NHERF2: variants seen among roughly 807,000 people sequenced by gnomAD.
NHERF2 encodes NHERF family PDZ scaffold protein 2, also known as Na(+)/H(+) exchange regulatory cofactor NHE-RF2.
At chr16:2,036,425 C>T in the NHERF2 span, 14 of 1,607,154 alleles carry the variant, frequency 8.7e-6, no homozygotes, top group African/African-American at 2.7e-5. Context: ...AGTCCCGGCC[C>T]GGCCAGTACA....
At chr16:2,036,194 T>C in the NHERF2 span, 1 of 927,162 alleles carries the variant, frequency 1.1e-6, no homozygotes, top group South Asian at 1.8e-5. Flanking sequence ...CCGGAGTGTT[T>C]GCCACTGAGA....
the NHERF2 span, among the ~76,000 whole-genome samples, chr16:2,028,177 T>C: frequency 6.6e-6 from 1 of 152,360 alleles, no homozygotes; most frequent in South Asian, 2.1e-4. Context: ...TGGCTGGTCC[T>C]GGAACCTAGA....
the NHERF2 span, chr16:2,036,180 G>A: frequency 2.6e-6 from 2 of 773,990 alleles, no homozygotes; most frequent in Non-Finnish European, 4.0e-6. Flanking sequence ...GGCAGCCTGG[G>A]TGCCCGGAGT....
chr16:2,029,200 C>T, the NHERF2 span, among the ~76,000 whole-genome samples: 7 of 152,218 alleles, frequency 4.6e-5, no homozygotes, highest in Non-Finnish European at 8.8e-5. Context: ...GATGCATGCG[C>T]GCACAGGGAC....
At chr16:2,028,684 C>T in the NHERF2 span, among the ~76,000 whole-genome samples, 1 of 152,146 alleles carries the variant, frequency 6.6e-6, no homozygotes, top group East Asian at 1.9e-4. Flanking sequence ...CTCAGTCCCT[C>T]CTATCTGTTC....
chr16:2,034,758 C>G, the NHERF2 span, among the ~76,000 whole-genome samples: 1 of 144,334 alleles, frequency 6.9e-6, no homozygotes, highest in Non-Finnish European at 1.5e-5. Flanking sequence ...CCCTCCGTCC[C>G]AGGCCAGCCT....
chr16:2,035,883 T>C, the NHERF2 span: 1 of 190,902 alleles, frequency 5.2e-6, no homozygotes, highest in African/African-American at 2.4e-5. Flanking sequence ...CGGAGGCCTC[T>C]GGAGAGAAAA....
At chr16:2,035,983 G>A in the NHERF2 span, 10 of 290,616 alleles carry the variant, frequency 3.4e-5, no homozygotes, top group Admixed American at 1.4e-4. Flanking sequence ...AGGGACAACC[G>A]CCCCAGGAGG....
chr16:2,035,582 C>G, the NHERF2 span: 4 of 987,198 alleles, frequency 4.1e-6, no homozygotes, highest in Middle Eastern at 1.0e-3. Flanking sequence ...CACGGGCAGC[C>G]GCTGGCCACC....
At chr16:2,035,393 C>CTGGCA in the NHERF2 span, 1 of 981,370 alleles carries the variant, frequency 1.0e-6, no homozygotes, top group Admixed American at 6.2e-5. Flanking sequence ...CGCCCCAGCC[C>CTGGCA]TGGCCTGGCC....
At chr16:2,035,347 C>T in the NHERF2 span, 4 of 962,884 alleles carry the variant, frequency 4.2e-6, no homozygotes, top group Middle Eastern at 5.3e-4. Flanking sequence ...GCCTGGAGAC[C>T]TGCCCTCCTG....
chr16:2,036,564 T>TG, the NHERF2 span: 4 of 1,531,400 alleles, frequency 2.6e-6, no homozygotes, highest in Non-Finnish European at 3.5e-6. Context: ...ACTGGGGCCC[T>TG]GGGTCCTTGC....
chr16:2,027,926 C>T, the NHERF2 span, among the ~76,000 whole-genome samples: 1 of 152,220 alleles, frequency 6.6e-6, no homozygotes, highest in African/African-American at 2.4e-5. Context: ...TCCTTAGCTA[C>T]AAAGGCACTA....
the NHERF2 span, chr16:2,027,243 CCCG>C: frequency 7.2e-6 from 9 of 1,244,122 alleles, no homozygotes; most frequent in Non-Finnish European, 9.1e-6. Context: ...TCGCCCCCGG[CCCG>C]CCGCCCCCTC....
At chr16:2,038,055 C>G in the NHERF2 span, 1 of 1,560,114 alleles carries the variant, frequency 6.4e-7, no homozygotes, top group Non-Finnish European at 8.7e-7. Flanking sequence ...CTGCCCCGAG[C>G]TCCCCCAGCC....
chr16:2,029,096 T>C, the NHERF2 span, among the ~76,000 whole-genome samples: 1 of 152,146 alleles, frequency 6.6e-6, no homozygotes, highest in Non-Finnish European at 1.5e-5. Flanking sequence ...CGGCAGAGAA[T>C]GACGGGAATG....
At chr16:2,036,262 G>A in the NHERF2 span, 1 of 1,498,990 alleles carries the variant, frequency 6.7e-7, no homozygotes, top group Non-Finnish European at 9.0e-7. Context: ...GCACCACCGG[G>A]GAGTGGCCTC....
At chr16:2,036,686 G>T in the NHERF2 span, 6 of 1,605,040 alleles carry the variant, frequency 3.7e-6, no homozygotes, top group Non-Finnish European at 5.1e-6. Flanking sequence ...GTTGGGGGCT[G>T]TCTGGGCCCA....
the NHERF2 span, chr16:2,038,710 T>C: frequency 4.9e-6 from 1 of 206,040 alleles, no homozygotes; most frequent in Non-Finnish European, 9.8e-6. Context: ...TGTGCCCTGC[T>C]GGGGGCCTGG....
Sources: allele counts gnomAD v4.1 joint callset (sites outside exome capture counted in the v4.1 genomes callset), GRCh38; gene constraint gnomAD v4.1.1; transcripts MANE v1.5; gene names NCBI Gene and HGNC (gene_info 2026-07-23, HGNC 2026-07-21).